Variants in PPP1CA observed in about 807,000 individuals in gnomAD.
PPP1CA encodes protein phosphatase 1 catalytic subunit alpha.
Under a neutral mutation model 38.5 loss-of-function variants are expected in PPP1CA, and 14 were observed. That is an observed-to-expected ratio of 0.36 (90% CI 0.24 to 0.57). The LOEUF is 0.57. Ranked by LOEUF, PPP1CA falls within the 20% of genes least tolerant of loss-of-function variation. The pLI, the probability that PPP1CA is intolerant of heterozygous loss-of-function variation, is 0.80. For missense variants in PPP1CA, 277 were observed against 435.2 expected, an observed-to-expected ratio of 0.64 and a Z score of 3.23; for synonymous variants, 200 against 177.3, an observed-to-expected ratio of 1.13 and a Z score of -1.02.
chr11:67,401,184 G>A lies in PPP1CA; in HGVS notation c.71C>T (p.Pro24Leu). ...GRLLEVQGSR[P>L]GKNVQLTENE... ...CTCTGTCAGCTGTACATTCTTGCCA[G>A]GCCGCGAGCCCTGCACTGGGGCGCA... Residue 24 changes from proline (P) to leucine (L), a missense_variant, in exon 2 of 7, where the codon CCT (proline) becomes CTT (leucine). Pro to Leu is a moderately conservative substitution (Grantham distance 98). Around this residue, in one of 3 missense-constraint regions of PPP1CA, gnomAD observed 180 missense variants for 356.7 expected, o/e 0.50. Transcript: ENST00000376745. 6.2e-7 allele frequency: 1 copy of A among 1,613,870 alleles called. No individual in the cohort carries two copies.
At position 67,398,485 on chromosome 11, in the gene PPP1CA, A is replaced by G; in HGVS notation, c.*50T>C. ...GACCCCCCCCCAGCATGGCAGCATG[A>G]TTTCTGTACAATCAATCCATCATCT... On this transcript the variant is annotated 3_prime_UTR_variant, in exon 7 of 7. Coordinates refer to ENST00000376745, the MANE Select transcript of PPP1CA (RefSeq NM_002708.4). The G allele has an allele frequency of 6.4e-7, 1 of 1,566,912 alleles. No individual in the cohort carries two copies. The highest frequency in any genetic ancestry group is 8.7e-7 in the Non-Finnish European group (1 of 1,144,164).
intron 3 of PPP1CA, 110 bp from the exon 4 acceptor site, chr11:67,399,775 A>C (rs1590936414): frequency 2.7e-6 from 2 of 743,856 alleles, no homozygotes; most frequent in Non-Finnish European, 4.6e-6. Flanking sequence ...GATGCAAACC[A>C]CCCCCCACCC....
At chr11:67,399,273 C>T (rs1862826670) in intron 4 of PPP1CA, 110 bp from the exon 5 acceptor site, 3 of 1,031,274 alleles carry the variant, frequency 2.9e-6, no homozygotes, top group African/African-American at 1.6e-5. Flanking sequence ...CGCCACTGGT[C>T]TCCTGGGCGC....
At chr11:67,401,259 G>A (rs1406407469) in intron 1 of PPP1CA, 60 bp from the exon 2 acceptor site, 1 of 1,604,828 alleles carries the variant, frequency 6.2e-7, no homozygotes, top group Non-Finnish European at 8.5e-7. Context: ...GGGCGACACG[G>A]GTGGCCCCAT....
chr11:67,398,502 CCAT>C lies in PPP1CA; in HGVS notation c.*30_*32del. ...GCAGCATGATTTCTGTACAATCAAT[CCAT>C]CATCTGGGGCACAGGGTGGTGTGCG... On this transcript the variant is annotated 3_prime_UTR_variant, in exon 7 of 7. Transcript: ENST00000376745. 1.9e-6 allele frequency: 3 copies of C among 1,597,506 alleles called. No homozygotes were observed. Among genetic ancestry groups the C allele is most frequent in the East Asian group, 2.2e-5 (1 of 44,742 alleles).
intron 3 of PPP1CA, 67 bp downstream of exon 3, chr11:67,400,622 A>G: frequency 6.9e-7 from 1 of 1,444,300 alleles, no homozygotes; most frequent in Non-Finnish European, 9.7e-7. Context: ...GCCAATGTGA[A>G]GGTCCCACTG....
intron 4 of PPP1CA, 112 bp from the exon 5 acceptor site, chr11:67,399,275 C>A: frequency 9.8e-7 from 1 of 1,020,914 alleles, no homozygotes; most frequent in Admixed American, 2.2e-5. Context: ...CCACTGGTCT[C>A]CTGGGCGCCT....
chr11:67,399,346 G>C (rs1862828611), intron 4 of PPP1CA, among the ~76,000 whole-genome samples, 183 bp from the exon 5 acceptor site: 1 of 152,130 alleles, frequency 6.6e-6, no homozygotes, highest in African/African-American at 2.4e-5. Context: ...AGGCACAAAG[G>C]CATCCCTGCC....
Position 67,398,482 on chromosome 11 carries a change from A to G in PPP1CA, c.*53T>C. 3 of 1,563,070 alleles carry G rather than the reference A, an allele frequency of 1.9e-6. No individual in the cohort carries two copies. The highest frequency in any genetic ancestry group is 2.6e-6 in the Non-Finnish European group (3 of 1,140,826). On this transcript the variant is annotated 3_prime_UTR_variant, in exon 7 of 7. Transcript: ENST00000376745. ...GGTGACCCCCCCCCAGCATGGCAGC[A>G]TGATTTCTGTACAATCAATCCATCA...
chr11:67,401,366 A>C, intron 1 of PPP1CA, 167 bp from the exon 2 acceptor site: 1 of 1,194,124 alleles, frequency 8.4e-7, no homozygotes, highest in Non-Finnish European at 1.2e-6. Context: ...CAAGCCTCCC[A>C]GGGGAAGCCC....
chr11:67,400,912 T>C lies in PPP1CA; in HGVS notation c.195A>G (p.Ile65Met). 1.9e-6 allele frequency: 3 copies of C among 1,614,022 alleles called. No individual in the cohort carries two copies. The highest frequency in any genetic ancestry group is 2.5e-6 in the Non-Finnish European group (3 of 1,179,978). ...GCAGAAGGTCGTAGTACTGGCCGTG[T>C]ATGTCACCTGTGACCCAGGGAACCG... The part of the protein sequence containing the change: ...LEAPLKICGD[I>M]HGQYYDLLRL... The change falls in exon 3 of 7, where the codon ATA (isoleucine) becomes ATG (methionine). Residue 65 changes from isoleucine to methionine, a missense_variant. Transcript: ENST00000376745.
Position 67,398,551 on chromosome 11 carries a change from G to A in PPP1CA, c.977C>T (p.Ala326Val). ...GRPITPPRNS[A>V]KAKK ...GTGCGGGGGCTATTTCTTGGCTTTG[G>A]CGGAATTGCGGGGTGGGGTGATGGG... The change falls in exon 7 of 7, where the codon GCC becomes GTC. Residue 326 changes from alanine to valine, a missense_variant. Transcript: ENST00000376745. 1 of 1,614,044 alleles carries A rather than the reference G, an allele frequency of 6.2e-7. No individual in the cohort carries two copies. Among genetic ancestry groups the A allele is most frequent in the African/African-American group, 1.3e-5 (1 of 75,044 alleles).
At position 67,401,501 on chromosome 11, in the gene PPP1CA, G is replaced by A. The variant is rs1289848550; in HGVS notation, c.55+227C>T. The A allele has an allele frequency of 1.0e-5, 6 of 574,496 alleles. No homozygotes were observed. The East Asian group carries it at 1.8e-4, about 17-fold the overall frequency. 35.6% of individuals were successfully genotyped at this position (574,496 alleles called of 1,614,324 possible). A position where few individuals can be genotyped will look rare whatever the true frequency, so the allele number is the denominator to read the frequency against. On this transcript the variant is annotated intron_variant, in intron 1 of 6. Transcript: ENST00000376745. ...GTTTCTCCCTCGCCCCAAGAGCCCA[G>A]GCAACCCGTGCGCCCCCAGCCCGGG...
rs1862817930 is a variant in PPP1CA, at chr11:67,398,921, G to A, written c.747+19C>T. The A allele has an allele frequency of 1.2e-6, 2 of 1,612,684 alleles. No individual in the cohort carries two copies. Among genetic ancestry groups the A allele is most frequent in the Non-Finnish European group, 1.7e-6 (2 of 1,179,924 alleles). On this transcript the variant is annotated intron_variant, in intron 5 of 6. Transcript: ENST00000376745. Reference sequence around the variant, plus strand: ...CGGCCCTCCCCTTCCCCTGCCGCAGGCCGGAGCCACCAGCCCACCTGGTGT... The same window carrying A: ...CGGCCCTCCCCTTCCCCTGCCGCAGACCGGAGCCACCAGCCCACCTGGTGT...
At chr11:67,400,359 C>G (rs1590936957) in intron 3 of PPP1CA, among the ~76,000 whole-genome samples, 1 of 152,232 alleles carries the variant, frequency 6.6e-6, no homozygotes, top group South Asian at 2.1e-4. Flanking sequence ...ATGAGCCGGG[C>G]CAAGTCCAGG....
In PPP1CA at chr11:67,401,052, T is replaced by C. The variant is rs752417263; in HGVS notation, c.187+16A>G. ...CCACTTTTAGGAAGGCAAGGGGACC[T>C]GGGCCGGGGGCTCACCGCAGATCTT... On this transcript the variant is annotated intron_variant, in intron 2 of 6. Coordinates refer to ENST00000376745, the MANE Select transcript of PPP1CA (RefSeq NM_002708.4). The C allele has an allele frequency of 6.2e-6, 10 of 1,613,334 alleles. No homozygotes were observed. In the East Asian group the frequency reaches 1.8e-4, roughly 29 times the overall value.
rs1565120575 is a variant in PPP1CA at position 67,398,579 on chromosome 11, G to A, written c.949C>T (p.Arg317Ter). The change falls in exon 7 of 7, where the codon CGA (arginine) becomes TGA (stop). Residue 317 changes from arginine (R) to a stop codon, truncating the protein, a stop_gained. Coordinates refer to ENST00000376745, the MANE Select transcript of PPP1CA (RefSeq NM_002708.4). LOFTEE classifies it high-confidence loss of function. ...GQFSGLNPGG[R>*]PITPPRNSAK... is the part of the protein sequence containing the mutation. ...GAATTGCGGGGTGGGGTGATGGGTC[G>A]GCCTCCAGGGTTCAGGCCACTGAAC... 1.2e-6 allele frequency: 2 copies of A among 1,614,076 alleles called. No homozygotes were observed. Among genetic ancestry groups the A allele is most frequent in the African/African-American group, 1.3e-5 (1 of 75,030 alleles).
Position 67,398,935 on chromosome 11 carries a change from C to T in PPP1CA, c.747+5G>A, listed in dbSNP as rs2134979778. 3 of 1,613,118 alleles carry T rather than the reference C, an allele frequency of 1.9e-6. No individual in the cohort carries two copies. Among genetic ancestry groups the T allele is most frequent in the Non-Finnish European group, 8.5e-7 (1 of 1,179,980 alleles). On this transcript the variant is annotated splice_donor_5th_base_variant and intron_variant, in intron 5 of 6. Transcript: ENST00000376745. ...CCCTGCCGCAGGCCGGAGCCACCAG[C>T]CCACCTGGTGTGCTCGGCAGATGAG...
In PPP1CA at chr11:67,400,585, G is replaced by C. The variant is rs560454144; in HGVS notation, c.418+104C>G. ...GGGCCCCGCCTTCGTGGAGCGCACA[G>C]TCTATCAAGTGTCTGTCAGATATCA... On this transcript the variant is annotated intron_variant, in intron 3 of 6. Transcript: ENST00000376745. The C allele has an allele frequency of 8.6e-6, 10 of 1,163,502 alleles. No individual in the cohort carries two copies. In the Admixed American group the frequency reaches 1.6e-4, roughly 19 times the overall value. The allele number at this position is 1,163,502 out of a possible 1,614,324, so 72.1% of individuals were successfully genotyped here.
Sources: gnomAD v4.1 joint callset for allele counts (sites outside exome capture counted in the v4.1 genomes callset) on GRCh38, gnomAD v4.1.1 for gene constraint, gnomAD v4.1.1 regional missense constraint, MANE v1.5 for transcripts, NCBI Gene and HGNC (gene_info 2026-07-23, HGNC 2026-07-21) for gene names.